The following FOXK2 variants were observed in gnomAD, a reference collection of about 807,000 sequenced individuals.
FOXK2 encodes the protein forkhead box K2.
In FOXK2, 24 loss-of-function variants were observed where a neutral mutation model predicts 53.3. The ratio of observed to expected loss-of-function variants is 0.45; its 90% confidence interval spans 0.33 to 0.63. The LOEUF is 0.63. Ranked by LOEUF, FOXK2 falls within the 30% of genes least tolerant of loss-of-function variation. The probability of loss-of-function intolerance (pLI) is 0.03; values close to 1 mark genes in which losing one functional copy is unlikely to be tolerated. For missense variants in FOXK2, 952 were observed against 910.5 expected (o/e 1.05, Z -0.59); for synonymous variants, 505 against 407.1 (o/e 1.24, Z -2.89).
At position 82,601,440 on chromosome 17, in the gene FOXK2, A is replaced by G. The variant is rs774570499; in HGVS notation, c.1924A>G (p.Ile642Val). ...GACAGAAGACGGCGAGGGCATCGTC[A>G]TTGCCCTGAGCGTGGACACGCCACC... ...IKTEDGEGIV[I>V]ALSVDTPPAA... The change falls in exon 9 of 9, where the codon ATT becomes GTT. Residue 642 changes from isoleucine (I) to valine (V), a missense_variant. Coordinates refer to ENST00000335255, the MANE Select transcript of FOXK2 (RefSeq NM_004514.4). The G allele has an allele frequency of 6.2e-7, 1 of 1,612,546 alleles. No homozygotes were observed. Among genetic ancestry groups the G allele is most frequent in the Non-Finnish European group, 8.5e-7 (1 of 1,179,972 alleles).
At position 82,520,189 on chromosome 17, in the gene FOXK2, G is replaced by A; in HGVS notation, c.301G>A (p.Ala101Thr). The A allele has an allele frequency of 7.0e-7, 1 of 1,421,008 alleles. No individual in the cohort carries two copies. The highest frequency in any genetic ancestry group is 3.1e-5 in the Admixed American group (1 of 32,080). 88.0% of individuals were successfully genotyped at this position (1,421,008 alleles called of 1,614,324 possible). The change falls in exon 1 of 9, where the codon GCG (alanine) becomes ACG (threonine). Residue 101 changes from alanine to threonine, a missense_variant. Ala to Thr is a moderately conservative substitution (Grantham distance 58). Coordinates refer to ENST00000335255, the MANE Select transcript of FOXK2 (RefSeq NM_004514.4). ...HGGAAPELPPAQPRPDAGGDF... is the reference protein window; with the variant it reads ...HGGAAPELPPTQPRPDAGGDF... The stretch of plus-strand genomic sequence containing the variant: ...CGGGGCCGCTCCGGAGCTGCCGCCC[G>A]CGCAGCCCAGGCCCGACGCCGGCGG...
chr17:82,520,178 A>T lies in FOXK2; in HGVS notation c.290A>T (p.Glu97Val). The T allele has an allele frequency of 6.8e-7, 1 of 1,462,194 alleles. No homozygotes were observed. Among genetic ancestry groups the T allele is most frequent in the Non-Finnish European group, 9.0e-7 (1 of 1,105,880 alleles). The allele number at this position is 1,462,194 out of a possible 1,614,324, so 90.6% of individuals were successfully genotyped here. A position where few individuals can be genotyped will look rare whatever the true frequency, so the allele number is the denominator to read the frequency against. Reference sequence around the variant, plus strand: ...GGCGGCCATGGCGGGGCCGCTCCGGAGCTGCCGCCCGCGCAGCCCAGGCCC... The same window carrying T: ...GGCGGCCATGGCGGGGCCGCTCCGGTGCTGCCGCCCGCGCAGCCCAGGCCC... Reference protein sequence around the residue: ...GGGGHGGAAPELPPAQPRPDA... With the variant: ...GGGGHGGAAPVLPPAQPRPDA... The change falls in exon 1 of 9, where the codon GAG becomes GTG. Residue 97 changes from glutamate to valine, a missense_variant. By Grantham distance (121) the Glu-to-Val change is moderately radical. This residue lies in a region of FOXK2 where 163 missense variants were observed against 165.5 expected (regional missense o/e 0.98). Transcript: ENST00000335255.
chr17:82,560,001 CTTTTT>C (rs10583366), intron 1 of FOXK2, among the ~76,000 whole-genome samples: 98 of 97,568 alleles, frequency 1.0e-3, no homozygotes, highest in Middle Eastern at 6.8e-3. Flanking sequence ...TCTGGATAGA[CTTTTT>C]TTTTTTTTTT....
In FOXK2 at chr17:82,563,218, A is replaced by G. The variant is rs1598213676; in HGVS notation, c.420-136A>G. 6.3e-6 allele frequency: 5 copies of G among 796,158 alleles called. No homozygotes were observed. The East Asian group carries it at 1.4e-4, about 22-fold the overall frequency. The allele number at this position is 796,158 out of a possible 1,614,324, so 49.3% of individuals were successfully genotyped here. A position where few individuals can be genotyped will look rare whatever the true frequency, so the allele number is the denominator to read the frequency against. The stretch of plus-strand genomic sequence containing the variant: ...TGGTTTTGTTTGTTTGGCGACTTAT[A>G]ATAACACGGTGAGCTGAGCTTGGAA... On this transcript the variant is annotated intron_variant, in intron 1 of 8. Coordinates refer to ENST00000335255, the MANE Select transcript of FOXK2 (RefSeq NM_004514.4).
chr17:82,537,157 G>A (rs572928081), intron 1 of FOXK2, among the ~76,000 whole-genome samples: 1 of 152,192 alleles, frequency 6.6e-6, no homozygotes, highest in South Asian at 2.1e-4. Context: ...TGACCAGTGA[G>A]TGGGATGCTG....
intron 4 of FOXK2, chr17:82,576,908 C>T (rs1187393970): frequency 4.6e-6 from 2 of 430,820 alleles, no homozygotes; most frequent in Non-Finnish European, 8.5e-6. Flanking sequence ...GCCTGTAATC[C>T]CAGCACTTTG....
chr17:82,579,236 T>C (rs2045028110), intron 4 of FOXK2, among the ~76,000 whole-genome samples: 1 of 152,192 alleles, frequency 6.6e-6, no homozygotes, highest in Non-Finnish European at 1.5e-5. Context: ...ACACTTAAAA[T>C]TCTGAGAGCA....
chr17:82,537,008 C>T (rs1333212335), intron 1 of FOXK2, among the ~76,000 whole-genome samples: 1 of 152,186 alleles, frequency 6.6e-6, no homozygotes, highest in Non-Finnish European at 1.5e-5. Context: ...AGGTCTCCAG[C>T]AGCTTCTGGT....
intron 4 of FOXK2, among the ~76,000 whole-genome samples, chr17:82,572,972 C>T (rs919985088): frequency 3.3e-5 from 5 of 152,066 alleles, no homozygotes; most frequent in African/African-American, 7.2e-5. Context: ...AGGTGGATCG[C>T]GTGACTCTAG....
At chr17:82,572,000 G>A (rs1397083418) in intron 4 of FOXK2, 130 bp downstream of exon 4, 5 of 859,604 alleles carry the variant, frequency 5.8e-6, no homozygotes, top group Non-Finnish European at 6.6e-6. Context: ...CGTGCTGAGA[G>A]GAAGAGGAGT....
intron 1 of FOXK2, among the ~76,000 whole-genome samples, chr17:82,529,124 C>CTGG (rs1411096835): frequency 6.6e-6 from 1 of 151,802 alleles, no homozygotes; most frequent in African/African-American, 2.4e-5. Context: ...CTTGGTCCTA[C>CTGG]TGGTGGTAAG....
intron 4 of FOXK2, 106 bp downstream of exon 4, chr17:82,571,976 G>C: frequency 8.6e-7 from 1 of 1,160,412 alleles, no homozygotes. Context: ...GTAGAAGGGG[G>C]GGTTGGAGCC....
chr17:82,530,209 G>C (rs2044459710), intron 1 of FOXK2, among the ~76,000 whole-genome samples: 1 of 152,124 alleles, frequency 6.6e-6, no homozygotes, highest in Non-Finnish European at 1.5e-5. Flanking sequence ...ACCTGAAATA[G>C]GCCGGGCACG....
chr17:82,545,824 G>A (rs2044619146), intron 1 of FOXK2, among the ~76,000 whole-genome samples: 1 of 151,590 alleles, frequency 6.6e-6, no homozygotes, highest in South Asian at 2.1e-4. Flanking sequence ...TCACATGATC[G>A]ACTTGCCTTG....
intron 1 of FOXK2, among the ~76,000 whole-genome samples, chr17:82,524,944 T>C (rs569844140): frequency 1.3e-5 from 2 of 150,664 alleles, no homozygotes; most frequent in East Asian, 3.9e-4. Flanking sequence ...ACTTTGCCAG[T>C]GATAGACTGA....
intron 1 of FOXK2, among the ~76,000 whole-genome samples, chr17:82,522,368 A>AT (rs538515246): frequency 0.2 from 28,238 of 141,588 alleles, 3,029 homozygotes; most frequent in East Asian, 0.32. Context: ...GTTTTTTGGA[A>AT]TTTTTTTTTT....
intron 1 of FOXK2, among the ~76,000 whole-genome samples, chr17:82,545,790 C>T (rs1358292527): frequency 6.6e-6 from 1 of 152,064 alleles, no homozygotes; most frequent in Non-Finnish European, 1.5e-5. Flanking sequence ...CCATGTTGGC[C>T]AGGCTGGTCT....
chr17:82,520,402 A>C, intron 1 of FOXK2, 95 bp downstream of exon 1: 1 of 1,069,992 alleles, frequency 9.3e-7, no homozygotes, highest in Non-Finnish European at 1.2e-6. Context: ...ACCACCCACG[A>C]GCGGGGGCCC....
chr17:82,535,835 C>T (rs1305946180), intron 1 of FOXK2, among the ~76,000 whole-genome samples: 1 of 149,396 alleles, frequency 6.7e-6, no homozygotes, highest in Non-Finnish European at 1.5e-5. Flanking sequence ...GAAACCTCTT[C>T]TGGTTCAAGC....
Sources: gnomAD v4.1 joint callset for allele counts (sites outside exome capture counted in the v4.1 genomes callset) on GRCh38, gnomAD v4.1.1 for gene constraint, gnomAD v4.1.1 regional missense constraint, MANE v1.5 for transcripts, NCBI Gene and HGNC (gene_info 2026-07-23, HGNC 2026-07-21) for gene names.